ANKS1B: variants seen among roughly 807,000 people sequenced by gnomAD.
The protein encoded by ANKS1B is ankyrin repeat and sterile alpha motif domain containing 1B.
In ANKS1B, 36 loss-of-function variants were observed where a neutral mutation model predicts 148.3. The observed-to-expected ratio is 0.24, with a 90% CI of 0.19 to 0.32. ANKS1B has a LOEUF of 0.32. Among genes scored for constraint, ANKS1B ranks in the 10% least tolerant of loss-of-function variants. ANKS1B has a pLI of 1.00. For missense variants in ANKS1B, 1,157 were observed against 1,542.6 expected (o/e 0.75, Z 4.19); for synonymous variants, 542 against 560.8 (o/e 0.97, Z 0.47).
At chr12:99,105,844 G>A (rs537359356) in intron 15 of ANKS1B, among the ~76,000 whole-genome samples, 2 of 151,182 alleles carry the variant, frequency 1.3e-5, no homozygotes, top group East Asian at 3.9e-4. Flanking sequence ...TTATGCAGTA[G>A]AGACAGAGGG....
rs538588744 is a variant in ANKS1B at position 99,535,708 on chromosome 12, C to G, written c.1273-31067G>C. ...CCTCACAATTCTACTTCTTCAAGTT[C>G]TTCACCTATTTTAAAAGCCAGTGAA... On this transcript the variant is annotated intron_variant, in intron 9 of 26. Coordinates refer to ENST00000683438, the MANE Select transcript of ANKS1B (RefSeq NM_001352186.2). Among the ~76,000 whole-genome samples, 4 of 152,140 alleles carry G rather than the reference C, an allele frequency of 2.6e-5. No homozygotes were observed. The South Asian group carries it at 8.3e-4, about 32-fold the overall frequency.
chr12:99,478,355 T>G (rs1327409031), intron 10 of ANKS1B, among the ~76,000 whole-genome samples: 4 of 152,158 alleles, frequency 2.6e-5, no homozygotes, highest in Non-Finnish European at 4.4e-5. Context: ...CTCTGTATTT[T>G]GGGTAGTATT....
intron 1 of ANKS1B, among the ~76,000 whole-genome samples, chr12:99,833,683 A>C (rs1208588948): frequency 1.3e-5 from 2 of 152,206 alleles, no homozygotes; most frequent in Non-Finnish European, 2.9e-5. Context: ...TGGAAAAGAA[A>C]TAGGAAAATA....
chr12:98,956,686 C>A (rs765410080), intron 17 of ANKS1B, among the ~76,000 whole-genome samples: 4 of 152,126 alleles, frequency 2.6e-5, no homozygotes, highest in Non-Finnish European at 5.9e-5. Flanking sequence ...GGATACAAAG[C>A]TAGACATTGA....
chr12:98,827,909 T>G (rs1227998726), intron 19 of ANKS1B, among the ~76,000 whole-genome samples: 1 of 152,138 alleles, frequency 6.6e-6, no homozygotes, highest in Non-Finnish European at 1.5e-5. Flanking sequence ...TAACCACATA[T>G]GTGACTCGAA....
intron 1 of ANKS1B, among the ~76,000 whole-genome samples, chr12:99,944,104 A>G (rs1566052748): frequency 1.3e-5 from 2 of 152,074 alleles, no homozygotes; most frequent in African/African-American, 2.4e-5. Flanking sequence ...CTAAACTTCA[A>G]GAGATCTTAG....
chr12:99,050,698 T>TC (rs1314365645), intron 17 of ANKS1B, among the ~76,000 whole-genome samples: 1 of 145,664 alleles, frequency 6.9e-6, no homozygotes, highest in Non-Finnish European at 1.5e-5. Context: ...TTCTTTTTTT[T>TC]TTTTTTTTTT....
chr12:99,859,943 C>T (rs186069212), intron 1 of ANKS1B, among the ~76,000 whole-genome samples: 8 of 152,232 alleles, frequency 5.3e-5, no homozygotes, highest in Non-Finnish European at 5.9e-5. Context: ...CCACCGCGCC[C>T]GGCCGAAAGT....
chr12:99,734,929 A>G (rs1303642748), intron 8 of ANKS1B, among the ~76,000 whole-genome samples: 1 of 151,622 alleles, frequency 6.6e-6, no homozygotes, highest in Non-Finnish European at 1.5e-5. Flanking sequence ...CTCCAGACCC[A>G]CCCTGCACCT....
chr12:98,873,023 C>T (rs1234660027), intron 17 of ANKS1B, among the ~76,000 whole-genome samples: 1 of 152,170 alleles, frequency 6.6e-6, no homozygotes, highest in Non-Finnish European at 1.5e-5. Flanking sequence ...TCTTGTAAGA[C>T]TATACTTTCC....
At chr12:98,908,716 T>C (rs1406727440) in intron 17 of ANKS1B, among the ~76,000 whole-genome samples, 11 of 152,182 alleles carry the variant, frequency 7.2e-5, no homozygotes, top group Admixed American at 6.5e-4. Context: ...CTTTTGCACT[T>C]ATGACAAGGA....
At chr12:99,606,546 T>C (rs2097852841) in intron 9 of ANKS1B, among the ~76,000 whole-genome samples, 1 of 151,964 alleles carries the variant, frequency 6.6e-6, no homozygotes, top group Non-Finnish European at 1.5e-5. Flanking sequence ...CAAATATATT[T>C]AGCTTCTCTA....
At chr12:99,313,993 T>A (rs1345331404) in intron 12 of ANKS1B, among the ~76,000 whole-genome samples, 1 of 152,192 alleles carries the variant, frequency 6.6e-6, no homozygotes, top group Non-Finnish European at 1.5e-5. Context: ...TGTTTGCAGA[T>A]GACATGACTA....
At chr12:99,584,816 G>A (rs1368488534) in intron 9 of ANKS1B, among the ~76,000 whole-genome samples, 1 of 152,046 alleles carries the variant, frequency 6.6e-6, no homozygotes, top group African/African-American at 2.4e-5. Flanking sequence ...GATCGCGTGA[G>A]ACTTATTCAC....
rs929679178 is a variant in ANKS1B at position 99,884,004 on chromosome 12, A to G, written c.135-58615T>C. 4.7e-5 allele frequency among the ~76,000 whole-genome samples: 5 copies of G among 105,960 alleles called. No homozygotes were observed. In the South Asian group the frequency reaches 8.9e-4, roughly 19 times the overall value. The allele number at this position is 105,960 out of a possible 152,430, so 69.5% of individuals were successfully genotyped here. A position where few individuals can be genotyped will look rare whatever the true frequency, so the allele number is the denominator to read the frequency against. On this transcript the variant is annotated intron_variant, in intron 1 of 26. Transcript: ENST00000683438. ...ACTTAAGAAAACAAACAACTCATTA[A>G]AAAAAATAAATACATGATTTGAAAG...
At chr12:99,205,530 C>T (rs1492246) in intron 14 of ANKS1B, among the ~76,000 whole-genome samples, 55,101 of 152,040 alleles carry the variant, frequency 0.36, 10,123 homozygotes, top group East Asian at 0.52. Flanking sequence ...TCTTGGGGAA[C>T]GCAGGAGAGA....
At chr12:99,573,372 A>AT (rs1383945726) in intron 9 of ANKS1B, among the ~76,000 whole-genome samples, 2 of 152,058 alleles carry the variant, frequency 1.3e-5, no homozygotes, top group African/African-American at 2.4e-5. Context: ...GAGATGATTG[A>AT]TTTTTTTAAA....
intron 12 of ANKS1B, among the ~76,000 whole-genome samples, chr12:99,283,225 CT>C (rs1198264780): frequency 5.9e-5 from 9 of 152,222 alleles, no homozygotes; most frequent in Admixed American, 5.2e-4. Context: ...CTAGAATGTG[CT>C]TAATAAATGT....
chr12:99,716,692 C>T (rs889457309), intron 8 of ANKS1B, among the ~76,000 whole-genome samples: 4 of 152,104 alleles, frequency 2.6e-5, no homozygotes, highest in African/African-American at 7.2e-5. Context: ...GGCATTCTTT[C>T]ACACATCAGT....
Sources: allele counts gnomAD v4.1 joint callset (sites outside exome capture counted in the v4.1 genomes callset), GRCh38; gene constraint gnomAD v4.1.1; transcripts MANE v1.5; gene names NCBI Gene and HGNC (gene_info 2026-07-23, HGNC 2026-07-21).